The following PARP1 variants were observed in gnomAD, a reference collection of about 807,000 sequenced individuals.
PARP1 encodes the protein poly(ADP-ribose) polymerase 1, also known as poly [ADP-ribose] polymerase 1.
PARP1 carries 44 observed loss-of-function variants against 118.7 expected under a neutral mutation model. The ratio of observed to expected loss-of-function variants is 0.37; its 90% CI spans 0.29 to 0.48. The LOEUF is 0.48. PARP1 is among the 20% of genes least tolerant of loss of function. PARP1 has a pLI of 0.99. For missense variants in PARP1, 1,100 were observed against 1,272.4 expected (o/e 0.86, Z 2.06); for synonymous variants, 492 against 483.2 (o/e 1.02, Z -0.24).
At chr1:226,405,178 A>G (rs1665120210) in intron 1 of PARP1, among the ~76,000 whole-genome samples, 1 of 152,258 alleles carries the variant, frequency 6.6e-6, no homozygotes, top group South Asian at 2.1e-4. Flanking sequence ...TTAAATTCTG[A>G]ATTAAAACTC....
At chr1:226,379,530 G>C (rs765052856) in intron 11 of PARP1, 43 bp downstream of exon 11, 25 of 1,511,992 alleles carry the variant, frequency 1.7e-5, no homozygotes, top group Non-Finnish European at 2.2e-5. Flanking sequence ...CTGGGGGTTG[G>C]GGGGCGGCAC....
intron 2 of PARP1, 110 bp from the exon 3 acceptor site, chr1:226,392,424 G>A (rs1664838221): frequency 5.0e-6 from 4 of 792,704 alleles, no homozygotes; most frequent in Middle Eastern, 7.0e-4. Context: ...GACACCTTAT[G>A]CCTTGGGAGA....
chr1:226,399,003 A>G (rs1664976437), intron 2 of PARP1, among the ~76,000 whole-genome samples: 1 of 152,148 alleles, frequency 6.6e-6, no homozygotes, highest in South Asian at 2.1e-4. Flanking sequence ...AACTGTGGTA[A>G]TCCAGACAAT....
chr1:226,406,174 G>GA (rs74852913), intron 1 of PARP1, among the ~76,000 whole-genome samples: 1 of 150,628 alleles, frequency 6.6e-6, no homozygotes, highest in South Asian at 2.1e-4. Context: ...TATCACTGGT[G>GA]AAAAAAAAAT....
chr1:226,385,446 A>G (rs1021770064), intron 7 of PARP1, 58 bp downstream of exon 7: 1 of 1,501,054 alleles, frequency 6.7e-7, no homozygotes, highest in South Asian at 1.1e-5. Flanking sequence ...AAACAAGCGC[A>G]GAAAGTGGGG....
At chr1:226,383,331 CT>C (rs1664656584) in intron 7 of PARP1, 148 bp from the exon 8 acceptor site, 2 of 685,994 alleles carry the variant, frequency 2.9e-6, no homozygotes, top group African/African-American at 1.8e-5. Flanking sequence ...AAATGTGAGG[CT>C]TTAAGGATGA....
At position 226,385,596 on chromosome 1, in the gene PARP1, C is replaced by T. The variant is rs377195931; in HGVS notation, c.919G>A (p.Asp307Asn). ...ECSGQLVFKS[D>N]AYYCTGDVTA... ...ACGTCCCCAGTGCAGTAATAGGCAT[C>T]GCTCTTGAAGACCAGCTGACCCGAG... is the stretch of plus-strand genomic sequence containing the variant. Residue 307 changes from aspartate to asparagine, a missense_variant, in exon 7 of 23, where the codon GAT (aspartate) becomes AAT (asparagine). Asp to Asn is a conservative substitution (Grantham distance 23). Around this residue, in one of 2 missense-constraint regions of PARP1, gnomAD observed 948 missense variants for 1,031.8 expected, o/e 0.92. Coordinates refer to ENST00000366794, the MANE Select transcript of PARP1 (RefSeq NM_001618.4). The T allele has an allele frequency of 4.3e-6, 7 of 1,614,000 alleles. No individual in the cohort carries two copies. The highest frequency in any genetic ancestry group is 4.5e-5 in the East Asian group (2 of 44,890).
rs775168450 is a variant in PARP1 at position 226,385,552 on chromosome 1, A to G, written c.963T>C (p.Cys321=). 13 of 1,613,866 alleles carry G rather than the reference A, an allele frequency of 8.1e-6. No individual in the cohort carries two copies. The highest frequency in any genetic ancestry group is 1.0e-5 in the Non-Finnish European group (12 of 1,179,988). The change falls in exon 7 of 23, where the codon TGT becomes TGC. Residue 321 remains cysteine, a synonymous_variant. Coordinates refer to ENST00000366794, the MANE Select transcript of PARP1 (RefSeq NM_001618.4). The part of the protein sequence containing the change: ...CTGDVTAWTK[C]MVKTQTPNRK... Reference sequence around the variant, plus strand: ...GGTTGGGTGTCTGTGTCTTGACCATACACTTGGTCCAGGCAGTGACGTCCC... The same window carrying G: ...GGTTGGGTGTCTGTGTCTTGACCATGCACTTGGTCCAGGCAGTGACGTCCC...
chr1:226,364,206 G>A (rs994966188), intron 19 of PARP1, 136 bp from the exon 20 acceptor site: 10 of 850,972 alleles, frequency 1.2e-5, no homozygotes, highest in South Asian at 2.7e-5. Context: ...AATGCCCATG[G>A]TGAGGAAATA....
chr1:226,403,130 G>T (rs577153800), intron 1 of PARP1, among the ~76,000 whole-genome samples: 1 of 152,322 alleles, frequency 6.6e-6, no homozygotes, highest in African/African-American at 2.4e-5. Flanking sequence ...TCTCCAGGTG[G>T]TTTGCTTCCC....
chr1:226,403,965 T>C (rs1404962339), intron 1 of PARP1, among the ~76,000 whole-genome samples: 2 of 152,158 alleles, frequency 1.3e-5, no homozygotes, highest in East Asian at 3.8e-4. Context: ...GTGGCCTCTT[T>C]CTGGATGTGA....
intron 11 of PARP1, 135 bp from the exon 12 acceptor site, chr1:226,379,409 T>C: frequency 3.1e-6 from 4 of 1,271,834 alleles, no homozygotes; most frequent in South Asian, 1.2e-5. Context: ...TCCCCACAAA[T>C]GTGTGTTCTC....
intron 18 of PARP1, 24 bp from the exon 19 acceptor site, chr1:226,365,178 G>T (rs926835105): frequency 6.2e-7 from 1 of 1,613,754 alleles, no homozygotes; most frequent in East Asian, 2.2e-5. Flanking sequence ...TAAACAAAGG[G>T]AAGGACAAAA....
intron 2 of PARP1, among the ~76,000 whole-genome samples, chr1:226,394,071 G>GGTAATCCCACCTCACACCT (rs1396267353): frequency 6.6e-6 from 1 of 152,184 alleles, no homozygotes; most frequent in Non-Finnish European, 1.5e-5. Context: ...GGCCAGGCAT[G>GGTAATCCCACCTCACACCT]GTAATCCCAC....
In PARP1 at chr1:226,390,466, A is replaced by C; in HGVS notation, c.561T>G (p.Leu187=). The C allele has an allele frequency of 1.2e-6, 2 of 1,614,144 alleles. No homozygotes were observed. The highest frequency in any genetic ancestry group is 2.2e-5 in the South Asian group (2 of 91,082). The change falls in exon 4 of 23, where the codon CTT becomes CTG. Residue 187 remains leucine (L), a synonymous_variant. Transcript: ENST00000366794. ...TCAGGGCTTCTTTATCCTCTGTAGCAAGGAGGCTGAAGCCCTTGAGCTGAC... is the reference window on the plus strand; with the variant it reads ...TCAGGGCTTCTTTATCCTCTGTAGCCAGGAGGCTGAAGCCCTTGAGCTGAC... ...SASQLKGFSL[L]ATEDKEALKK...
intron 8 of PARP1, among the ~76,000 whole-genome samples, chr1:226,381,735 T>G (rs952454656): frequency 5.3e-5 from 8 of 152,194 alleles, no homozygotes; most frequent in African/African-American, 1.9e-4. Context: ...AGCAGCCTGG[T>G]GTGCACTGAC....
intron 7 of PARP1, among the ~76,000 whole-genome samples, chr1:226,383,891 A>T (rs1029611592): frequency 6.6e-6 from 1 of 152,238 alleles, no homozygotes; most frequent in Non-Finnish European, 1.5e-5. Context: ...GATGTCAGTT[A>T]GATACAAGAG....
In PARP1 at chr1:226,365,989, T is replaced by G. The variant is rs149375401; in HGVS notation, c.2470A>C (p.Thr824Pro). 1.2e-6 allele frequency: 2 copies of G among 1,613,190 alleles called. No individual in the cohort carries two copies. Among genetic ancestry groups the G allele is most frequent in the Non-Finnish European group, 1.7e-6 (2 of 1,179,142 alleles). ...IRKYVKNTHA[T>P]THNAYDLEVI... ...TCCAAGTCATACGCATTGTGTGTGGTTGCATGAGTGTTCTTAACATACTTC... is the reference window on the plus strand; with the variant it reads ...TCCAAGTCATACGCATTGTGTGTGGGTGCATGAGTGTTCTTAACATACTTC... Residue 824 changes from threonine to proline, a missense_variant, in exon 18 of 23, where the codon ACC becomes CCC. Physicochemically the swap from Thr to Pro is conservative, Grantham distance 38. Around this residue, in one of 2 missense-constraint regions of PARP1, gnomAD observed 948 missense variants for 1,031.8 expected, o/e 0.92. Transcript: ENST00000366794.
At chr1:226,397,225 G>A (rs1664941454) in intron 2 of PARP1, among the ~76,000 whole-genome samples, 1 of 151,842 alleles carries the variant, frequency 6.6e-6, no homozygotes, top group African/African-American at 2.4e-5. Flanking sequence ...AGAGGCTGAC[G>A]TGGGAGGATT....
Sources: gnomAD v4.1 joint callset for allele counts (sites outside exome capture counted in the v4.1 genomes callset) on GRCh38, gnomAD v4.1.1 for gene constraint, gnomAD v4.1.1 regional missense constraint, MANE v1.5 for transcripts, NCBI Gene and HGNC (gene_info 2026-07-23, HGNC 2026-07-21) for gene names.